THSD4: variants seen among roughly 807,000 people sequenced by gnomAD.
THSD4 encodes the protein thrombospondin type 1 domain containing 4.
Under a neutral mutation model 119.0 loss-of-function variants are expected in THSD4, and 69 were observed. The ratio of observed to expected loss-of-function variants is 0.58; its 90% CI spans 0.48 to 0.71. The LOEUF (loss-of-function observed/expected upper bound fraction) is 0.71, where lower values mean the gene tolerates loss of function less well. Ranked by LOEUF, THSD4 falls within the 30% of genes least tolerant of loss-of-function variation. THSD4 has a pLI of 0.00. For missense variants in THSD4, 1,393 were observed against 1,391.1 expected (o/e 1.00, Z -0.02); for synonymous variants, 524 against 540.4 (o/e 0.97, Z 0.42).
At chr15:71,510,146 G>A (rs2048256400) in intron 7 of THSD4, among the ~76,000 whole-genome samples, 3 of 152,170 alleles carry the variant, frequency 2.0e-5, no homozygotes, top group Admixed American at 2.0e-4. Context: ...GAAAGTTGTT[G>A]CATTGATAGA....
intron 7 of THSD4, among the ~76,000 whole-genome samples, chr15:71,515,556 T>G (rs1395365882): frequency 6.6e-6 from 1 of 152,176 alleles, no homozygotes; most frequent in Non-Finnish European, 1.5e-5. Flanking sequence ...TGAGGGGGGC[T>G]CAATCTCTAC....
chr15:71,545,478 C>T (rs7171113), intron 7 of THSD4, among the ~76,000 whole-genome samples: 3 of 152,234 alleles, frequency 2.0e-5, no homozygotes, highest in Admixed American at 1.3e-4. Flanking sequence ...ATAATGGCGG[C>T]GTTGAGTAGT....
chr15:71,702,174 C>G (rs1393235975), intron 8 of THSD4, among the ~76,000 whole-genome samples: 3 of 152,130 alleles, frequency 2.0e-5, no homozygotes, highest in African/African-American at 7.2e-5. Context: ...TCCTTGAGGG[C>G]AGGCCTCGTC....
At chr15:71,448,800 T>C (rs1429254702) in intron 7 of THSD4, among the ~76,000 whole-genome samples, 2 of 152,178 alleles carry the variant, frequency 1.3e-5, no homozygotes, top group African/African-American at 2.4e-5. Context: ...CACTCATGCA[T>C]TGATTGGGAA....
chr15:71,102,732 T>G (rs1198296783), intron 1 of THSD4, among the ~76,000 whole-genome samples: 1 of 152,094 alleles, frequency 6.6e-6, no homozygotes, highest in Non-Finnish European at 1.5e-5. Flanking sequence ...GCCCAGCTAA[T>G]TTTTTGTATT....
chr15:71,104,582 G>C (rs2040266525), intron 1 of THSD4, among the ~76,000 whole-genome samples: 1 of 152,206 alleles, frequency 6.6e-6, no homozygotes, highest in South Asian at 2.1e-4. Context: ...AGAGAACACA[G>C]TCTCAATAGG....
intron 8 of THSD4, among the ~76,000 whole-genome samples, chr15:71,712,416 G>T (rs981658318): frequency 6.6e-6 from 1 of 152,156 alleles, no homozygotes; most frequent in Non-Finnish European, 1.5e-5. Context: ...TCCTGGAAAA[G>T]AAGAAAGAGC....
chr15:71,192,102 C>T (rs1413565199), intron 3 of THSD4, among the ~76,000 whole-genome samples: 1 of 151,958 alleles, frequency 6.6e-6, no homozygotes, highest in Non-Finnish European at 1.5e-5. Flanking sequence ...CGGGGTTTCA[C>T]CATGTTGGAC....
At chr15:71,487,427 A>G (rs1012953721) in intron 7 of THSD4, among the ~76,000 whole-genome samples, 5 of 152,204 alleles carry the variant, frequency 3.3e-5, no homozygotes, top group Admixed American at 6.5e-5. Flanking sequence ...AACAGTGACC[A>G]CTTCCTTGCT....
intron 6 of THSD4, among the ~76,000 whole-genome samples, chr15:71,376,171 A>G (rs1471617485): frequency 2.0e-5 from 3 of 152,152 alleles, no homozygotes; most frequent in Non-Finnish European, 4.4e-5. Context: ...GAGGAGGAGT[A>G]CTCACATCCT....
chr15:71,555,387 C>T (rs1258301748), intron 7 of THSD4, among the ~76,000 whole-genome samples: 1 of 152,180 alleles, frequency 6.6e-6, no homozygotes, highest in East Asian at 1.9e-4. Context: ...ATGGACATTT[C>T]TCTGATCATT....
At chr15:71,624,555 G>A (rs1418188028) in intron 7 of THSD4, among the ~76,000 whole-genome samples, 2 of 152,278 alleles carry the variant, frequency 1.3e-5, no homozygotes, top group Admixed American at 1.3e-4. Flanking sequence ...GGCATTTTGT[G>A]TGTGGCTTAA....
chr15:71,745,025 C>G, intron 11 of THSD4, 81 bp from the exon 12 acceptor site: 1 of 1,526,904 alleles, frequency 6.5e-7, no homozygotes, highest in Non-Finnish European at 8.8e-7. Flanking sequence ...TCATCAGCAC[C>G]CGAATCTCTG....
chr15:71,249,952 AT>A (rs1355867820), intron 5 of THSD4, among the ~76,000 whole-genome samples: 2 of 152,278 alleles, frequency 1.3e-5, no homozygotes, highest in African/African-American at 4.8e-5. Flanking sequence ...ATTTTTGGCT[AT>A]ATGTAGTAAA....
intron 6 of THSD4, among the ~76,000 whole-genome samples, chr15:71,391,026 A>ATT (rs66485449): frequency 1.1e-4 from 14 of 126,512 alleles, no homozygotes; most frequent in African/African-American, 3.3e-4. Context: ...ATGCCGGCTA[A>ATT]TTTTTTTTTT....
At chr15:71,353,226 A>G (rs1378413715) in intron 6 of THSD4, among the ~76,000 whole-genome samples, 1 of 152,160 alleles carries the variant, frequency 6.6e-6, no homozygotes, top group African/African-American at 2.4e-5. Flanking sequence ...CAGGGATGTC[A>G]CTCCGAGAAC....
At chr15:71,629,546 ACT>A (rs1235531231) in intron 7 of THSD4, among the ~76,000 whole-genome samples, 2 of 151,794 alleles carry the variant, frequency 1.3e-5, no homozygotes, top group East Asian at 3.9e-4. Flanking sequence ...CTCCTCAGTC[ACT>A]CTCCATCACA....
intron 6 of THSD4, among the ~76,000 whole-genome samples, chr15:71,403,403 A>G (rs1164260787): frequency 6.6e-6 from 1 of 152,210 alleles, no homozygotes. Flanking sequence ...CAGCCATCAA[A>G]GTTATTGTTG....
rs534453992 is a variant in THSD4, at chr15:71,201,650, A to G, written c.100-13385A>G. Among the ~76,000 whole-genome samples, 24 of 152,330 alleles carry G rather than the reference A, an allele frequency of 1.6e-4. 1 individual carries two copies. The highest frequency in any genetic ancestry group is 1.4e-3 in the Admixed American group (22 of 15,304). On this transcript the variant is annotated intron_variant, in intron 3 of 17. Coordinates refer to ENST00000261862, the MANE Select transcript of THSD4 (RefSeq NM_024817.3). ...TTTCAACAACTGCTAGCTCAGTCCC[A>G]AGGCGTGGTTCTTGTTTCTTCCTTG...
Sources: allele counts gnomAD v4.1 joint callset (sites outside exome capture counted in the v4.1 genomes callset), GRCh38; gene constraint gnomAD v4.1.1; transcripts MANE v1.5; gene names NCBI Gene and HGNC (gene_info 2026-07-23, HGNC 2026-07-21).